The following HMGA2 variants were observed in gnomAD, a reference collection of about 807,000 sequenced individuals.
HMGA2 encodes the protein high mobility group protein HMGI-C.
In HMGA2, 8 loss-of-function variants were observed where a neutral mutation model predicts 19.1. That is an observed-to-expected ratio of 0.42 (90% CI 0.25 to 0.76). The LOEUF (loss-of-function observed/expected upper bound fraction) is 0.76. Ranked by LOEUF, HMGA2 falls within the 30% of genes least tolerant of loss-of-function variation. The pLI, the probability that HMGA2 is intolerant of heterozygous loss-of-function variation, is 0.28. For missense variants in HMGA2, 109 were observed against 136.3 expected (o/e 0.80, Z 1.00); for synonymous variants, 60 against 48.8 (o/e 1.23, Z -0.96).
chr12:65,828,218 C>A, intron 2 of HMGA2, 131 bp downstream of exon 2: 1 of 726,704 alleles, frequency 1.4e-6, no homozygotes, highest in South Asian at 1.5e-5. Context: ...TCATTTCTTA[C>A]ATTTAACATT....
At chr12:65,845,037 T>A (rs576290359) in intron 3 of HMGA2, among the ~76,000 whole-genome samples, 107 of 152,360 alleles carry the variant, frequency 7.0e-4, no homozygotes, top group Admixed American at 2.2e-3. Flanking sequence ...CACAGTGTAC[T>A]ATCCCTACTC....
At chr12:65,841,512 C>T (rs374603702) in intron 3 of HMGA2, among the ~76,000 whole-genome samples, 5 of 152,166 alleles carry the variant, frequency 3.3e-5, no homozygotes, top group Non-Finnish European at 4.4e-5. Flanking sequence ...CAAGGCATTC[C>T]GTTCAATGGC....
chr12:65,887,508 G>A lies in HMGA2; in HGVS notation c.249+48939G>A, dbSNP rs577927922. ...GGCTGAGGCCGGTGGATCACTTGAGGTCAGGAGTTCGAGACCAGCCTGGCC... is the reference window on the plus strand; with the variant it reads ...GGCTGAGGCCGGTGGATCACTTGAGATCAGGAGTTCGAGACCAGCCTGGCC... On this transcript the variant is annotated intron_variant, in intron 3 of 4. Transcript: ENST00000403681. Among the ~76,000 whole-genome samples, 16 of 152,120 alleles carry A rather than the reference G, an allele frequency of 1.1e-4. No individual in the cohort carries two copies. In the South Asian group the frequency reaches 3.1e-3, roughly 30 times the overall value.
intron 3 of HMGA2, among the ~76,000 whole-genome samples, chr12:65,913,139 T>C (rs1251273316): frequency 1.3e-5 from 2 of 152,226 alleles, no homozygotes; most frequent in African/African-American, 4.8e-5. Flanking sequence ...GTCTCTTGTT[T>C]TCTGTGTAGT....
At chr12:65,898,656 T>A (rs113809362) in intron 3 of HMGA2, among the ~76,000 whole-genome samples, 1 of 152,194 alleles carries the variant, frequency 6.6e-6, no homozygotes, top group Non-Finnish European at 1.5e-5. Flanking sequence ...TGGTAGCCAC[T>A]ATACAATGAG....
intron 3 of HMGA2, among the ~76,000 whole-genome samples, chr12:65,887,264 G>A (rs1330234788): frequency 6.6e-6 from 1 of 152,142 alleles, no homozygotes; most frequent in Non-Finnish European, 1.5e-5. Flanking sequence ...ATTCCAATGA[G>A]TCACCATATG....
chr12:65,952,661 T>C (rs1188603312), intron 4 of HMGA2: 9 of 428,508 alleles, frequency 2.1e-5, no homozygotes, highest in Non-Finnish European at 3.4e-5. Flanking sequence ...AAACTTGACA[T>C]TTTCATTAGG....
chr12:65,886,340 G>A (rs527278527), intron 3 of HMGA2, among the ~76,000 whole-genome samples: 127 of 151,526 alleles, frequency 8.4e-4, no homozygotes, highest in African/African-American at 3.0e-3. Flanking sequence ...TCCTCCTCGC[G>A]GGGAGCTTCT....
intron 2 of HMGA2, among the ~76,000 whole-genome samples, chr12:65,833,645 A>G (rs567119243): frequency 6.6e-6 from 1 of 152,220 alleles, no homozygotes; most frequent in South Asian, 2.1e-4. Flanking sequence ...TTTGATTTTC[A>G]CCCTAGAAGG....
intron 3 of HMGA2, among the ~76,000 whole-genome samples, chr12:65,932,492 T>A (rs1565736266): frequency 6.6e-6 from 1 of 152,230 alleles, no homozygotes; most frequent in Admixed American, 6.5e-5. Flanking sequence ...GTGCTTGGTG[T>A]ATAGAAGGCA....
intron 1 of HMGA2, chr12:65,826,355 G>A (rs1015007176): frequency 6.6e-6 from 1 of 152,256 alleles, no homozygotes; most frequent in Non-Finnish European, 1.5e-5. Flanking sequence ...AGGGCTGGGG[G>A]TTTTGTTCGC....
At chr12:65,834,358 G>T (rs1870612708) in intron 2 of HMGA2, among the ~76,000 whole-genome samples, 1 of 152,174 alleles carries the variant, frequency 6.6e-6, no homozygotes, top group Admixed American at 6.5e-5. Context: ...ATGGGGCTAT[G>T]TCTTTGGGAA....
intron 1 of HMGA2, among the ~76,000 whole-genome samples, chr12:65,827,332 G>A (rs1235564276): frequency 6.6e-6 from 1 of 152,170 alleles, no homozygotes; most frequent in Non-Finnish European, 1.5e-5. Context: ...GGCCATGCCT[G>A]CATCTCCAAA....
At chr12:65,896,786 T>G (rs192553964) in intron 3 of HMGA2, among the ~76,000 whole-genome samples, 14 of 152,348 alleles carry the variant, frequency 9.2e-5, no homozygotes, top group Admixed American at 8.5e-4. Flanking sequence ...GAATACTGCA[T>G]GAAGAATCTG....
intron 3 of HMGA2, among the ~76,000 whole-genome samples, chr12:65,931,051 C>T (rs1875689522): frequency 6.6e-6 from 1 of 152,166 alleles, no homozygotes; most frequent in African/African-American, 2.4e-5. Flanking sequence ...TTAAATTAAG[C>T]ATGGAGCTGT....
chr12:65,855,458 T>TCACACACACACACACACACA, intron 3 of HMGA2, among the ~76,000 whole-genome samples: 1 of 140,138 alleles, frequency 7.1e-6, no homozygotes, highest in Non-Finnish European at 1.5e-5. Context: ...TCTCTCTCTC[T>TCACACACACACACACACACA]CACACACACA....
chr12:65,939,069 A>G (rs1350394959), intron 3 of HMGA2, among the ~76,000 whole-genome samples: 1 of 152,204 alleles, frequency 6.6e-6, no homozygotes, highest in African/African-American at 2.4e-5. Flanking sequence ...CTTCCAGGCA[A>G]TGAGAGGCTT....
At chr12:65,865,103 C>A (rs1370799203) in intron 3 of HMGA2, among the ~76,000 whole-genome samples, 1 of 152,090 alleles carries the variant, frequency 6.6e-6, no homozygotes, top group Non-Finnish European at 1.5e-5. Context: ...GAGTAGTGAA[C>A]AAATTTTCTC....
At chr12:65,910,848 G>A (rs188832823) in intron 3 of HMGA2, among the ~76,000 whole-genome samples, 30 of 152,284 alleles carry the variant, frequency 2.0e-4, no homozygotes, top group African/African-American at 6.7e-4. Flanking sequence ...TGTTCCAAGC[G>A]TTGACTGAAT....
Sources: allele counts gnomAD v4.1 joint callset (sites outside exome capture counted in the v4.1 genomes callset), GRCh38; gene constraint gnomAD v4.1.1; transcripts MANE v1.5; gene names NCBI Gene and HGNC (gene_info 2026-07-23, HGNC 2026-07-21).